ADAM23: variants seen among roughly 807,000 people sequenced by gnomAD.
ADAM23 encodes the protein disintegrin and metalloproteinase domain-containing protein 23.
In ADAM23, 33 loss-of-function variants were observed where a neutral mutation model predicts 120.1. The observed-to-expected ratio is 0.27, with a 90% CI of 0.21 to 0.37. ADAM23 has a LOEUF of 0.37. Ranked by LOEUF, ADAM23 falls within the 10% of genes least tolerant of loss-of-function variation. The probability of loss-of-function intolerance (pLI) is 1.00; values close to 1 mark genes in which losing one functional copy is unlikely to be tolerated. For missense variants in ADAM23, 862 were observed against 1,058.2 expected, an observed-to-expected ratio of 0.81 and a Z score of 2.57; for synonymous variants, 367 against 375.2, an observed-to-expected ratio of 0.98 and a Z score of 0.25.
At chr2:206,548,813 C>A (rs959986549) in intron 8 of ADAM23, among the ~76,000 whole-genome samples, 3 of 152,114 alleles carry the variant, frequency 2.0e-5, no homozygotes, top group African/African-American at 7.2e-5. Flanking sequence ...AACTCTGTTA[C>A]ACCAAACTTT....
Position 206,443,816 on chromosome 2 carries a change from A to G in ADAM23, c.-51A>G. 2 of 1,006,654 alleles carry G rather than the reference A, an allele frequency of 2.0e-6. No individual in the cohort carries two copies. The highest frequency in any genetic ancestry group is 2.4e-6 in the Non-Finnish European group (2 of 836,044). The allele number at this position is 1,006,654 out of a possible 1,614,324, so 62.4% of individuals were successfully genotyped here. ...CTCCGCCCGCGGCCGCCCCGCAGCT[A>G]GCCCGGCGCTCTCGCCGGCCACACG... On this transcript the variant is annotated 5_prime_UTR_variant, in exon 1 of 26. Coordinates refer to ENST00000264377, the MANE Select transcript of ADAM23 (RefSeq NM_003812.4).
intron 24 of ADAM23, among the ~76,000 whole-genome samples, chr2:206,598,063 CT>C (rs1207007991): frequency 1.3e-5 from 2 of 152,192 alleles, no homozygotes; most frequent in African/African-American, 2.4e-5. Flanking sequence ...ACGTATTCCA[CT>C]TTTACACTTA....
intron 2 of ADAM23, among the ~76,000 whole-genome samples, chr2:206,472,771 T>C (rs1695687193): frequency 6.6e-6 from 1 of 152,210 alleles, no homozygotes; most frequent in Non-Finnish European, 1.5e-5. Flanking sequence ...AAGCTTTCCT[T>C]TTTTCTGTAC....
At chr2:206,549,665 A>T (rs1272826341) in intron 8 of ADAM23, among the ~76,000 whole-genome samples, 1 of 152,068 alleles carries the variant, frequency 6.6e-6, no homozygotes, top group East Asian at 1.9e-4. Flanking sequence ...GGAAGTAATT[A>T]TAACTTATGC....
chr2:206,620,866 T>C lies in ADAM23; in HGVS notation c.*3239T>C, dbSNP rs927129210. 1.3e-5 allele frequency: 2 copies of C among 152,206 alleles called. No homozygotes were observed. Among genetic ancestry groups the C allele is most frequent in the African/African-American group, 4.8e-5 (2 of 41,464 alleles). 9.4% of individuals were successfully genotyped at this position (152,206 alleles called of 1,614,324 possible). On this transcript the variant is annotated 3_prime_UTR_variant, in exon 26 of 26. Coordinates refer to ENST00000264377, the MANE Select transcript of ADAM23 (RefSeq NM_003812.4). ...GCAAAGATGGGAAATGCACAAACTTTTCAAAGACTAGTGTCTGAAGAACTT... is the reference window on the plus strand; with the variant it reads ...GCAAAGATGGGAAATGCACAAACTTCTCAAAGACTAGTGTCTGAAGAACTT...
chr2:206,609,080 T>TA (rs1460232821), intron 24 of ADAM23, among the ~76,000 whole-genome samples: 1 of 152,198 alleles, frequency 6.6e-6, no homozygotes, highest in East Asian at 1.9e-4. Flanking sequence ...GGACAGGAGT[T>TA]ACTAGGATAT....
chr2:206,605,768 T>A, intron 24 of ADAM23: 1 of 702,500 alleles, frequency 1.4e-6, no homozygotes, highest in Non-Finnish European at 2.6e-6. Flanking sequence ...TGTTAAAAAA[T>A]CTCCATTTTC....
At chr2:206,520,386 T>A (rs1038115667) in intron 3 of ADAM23, among the ~76,000 whole-genome samples, 1 of 152,172 alleles carries the variant, frequency 6.6e-6, no homozygotes, top group African/African-American at 2.4e-5. Context: ...ATTAAAACAG[T>A]GTAAAATTAC....
At chr2:206,605,009 T>C (rs1459631313) in intron 24 of ADAM23, among the ~76,000 whole-genome samples, 2 of 152,240 alleles carry the variant, frequency 1.3e-5, no homozygotes, top group African/African-American at 4.8e-5. Flanking sequence ...TTTGCCTTTG[T>C]AGCGGGAACC....
At chr2:206,573,019 G>A in intron 17 of ADAM23, 96 bp from the exon 18 acceptor site, 1 of 1,206,626 alleles carries the variant, frequency 8.3e-7, no homozygotes, top group Non-Finnish European at 1.2e-6. Flanking sequence ...TGTTAGTTAT[G>A]CGAGAGTATA....
At chr2:206,574,215 A>G (rs1000643171) in intron 18 of ADAM23, among the ~76,000 whole-genome samples, 9 of 152,234 alleles carry the variant, frequency 5.9e-5, no homozygotes, top group African/African-American at 1.9e-4. Flanking sequence ...ATTTTGGAGC[A>G]TTTCTGATCT....
chr2:206,513,879 C>G (rs1443074046), intron 3 of ADAM23, among the ~76,000 whole-genome samples: 1 of 152,184 alleles, frequency 6.6e-6, no homozygotes, highest in Non-Finnish European at 1.5e-5. Flanking sequence ...TCTGTTCTGC[C>G]TGTGCTCCAT....
intron 3 of ADAM23, among the ~76,000 whole-genome samples, chr2:206,491,764 C>G (rs951031805): frequency 4.6e-5 from 7 of 152,166 alleles, no homozygotes; most frequent in African/African-American, 1.7e-4. Flanking sequence ...AATTTTATCT[C>G]TCTAGAGATA....
intron 24 of ADAM23, 32 bp from the exon 25 acceptor site, chr2:206,609,876 CAT>C: frequency 6.4e-7 from 1 of 1,568,706 alleles, no homozygotes; most frequent in Non-Finnish European, 8.6e-7. Flanking sequence ...GTGGTTGGTT[CAT>C]ATGACTCTCT....
At chr2:206,527,332 A>G (rs1455961033) in intron 3 of ADAM23, among the ~76,000 whole-genome samples, 1 of 152,196 alleles carries the variant, frequency 6.6e-6, no homozygotes, top group African/African-American at 2.4e-5. Flanking sequence ...AGGAAAGGAC[A>G]ACTCATCTTC....
At chr2:206,509,551 C>T (rs1696577718) in intron 3 of ADAM23, among the ~76,000 whole-genome samples, 4 of 152,080 alleles carry the variant, frequency 2.6e-5, no homozygotes, top group South Asian at 2.1e-4. Context: ...TGAGTTCTAG[C>T]GATTCTCCTG....
At chr2:206,510,352 A>G (rs1236128119) in intron 3 of ADAM23, among the ~76,000 whole-genome samples, 3 of 152,258 alleles carry the variant, frequency 2.0e-5, no homozygotes, top group Non-Finnish European at 4.4e-5. Flanking sequence ...AGAACTTTGT[A>G]TGGAGTCGTT....
intron 6 of ADAM23, among the ~76,000 whole-genome samples, chr2:206,546,746 T>G (rs1172424316): frequency 1.3e-5 from 2 of 152,134 alleles, no homozygotes; most frequent in Non-Finnish European, 2.9e-5. Flanking sequence ...ATTTGTAAAA[T>G]AGGGATAAAC....
chr2:206,594,766 C>T lies in ADAM23; in HGVS notation c.2108C>T (p.Thr703Met), dbSNP rs775129928. The change falls in exon 23 of 26, where the codon ACG becomes ATG. Residue 703 changes from threonine to methionine, a missense_variant. Physicochemically the swap from Thr to Met is moderately conservative, Grantham distance 81. Coordinates refer to ENST00000264377, the MANE Select transcript of ADAM23 (RefSeq NM_003812.4). Reference sequence around the variant, plus strand: ...GCCCATGTAGTTTTAGATGATGATACGGATGTGGGCTATGTAGAAGATGGA... The same window carrying T: ...GCCCATGTAGTTTTAGATGATGATATGGATGTGGGCTATGTAGAAGATGGA... ...SGAHVVLDDD[T>M]DVGYVEDGTP... is the part of the protein sequence containing the mutation. The T allele has an allele frequency of 1.5e-5, 24 of 1,614,108 alleles. No homozygotes were observed. Among genetic ancestry groups the T allele is most frequent in the South Asian group, 2.2e-5 (2 of 91,074 alleles).
Sources: allele counts gnomAD v4.1 joint callset (sites outside exome capture counted in the v4.1 genomes callset), GRCh38; gene constraint gnomAD v4.1.1; transcripts MANE v1.5; gene names NCBI Gene and HGNC (gene_info 2026-07-23, HGNC 2026-07-21).